Variants in SHC3 observed in about 807,000 individuals in gnomAD.
SHC3 encodes SHC-transforming protein 3.
SHC3 carries 15 observed loss-of-function variants against 60.4 expected under a neutral mutation model. The ratio of observed to expected loss-of-function variants is 0.25; its 90% CI spans 0.17 to 0.38. The LOEUF (loss-of-function observed/expected upper bound fraction) is 0.38. Among genes scored for constraint, SHC3 ranks in the 10% least tolerant of loss-of-function variants. The pLI is 1.00. For synonymous variants in SHC3, 294 were observed against 325.9 expected (o/e 0.90, Z 1.05); for missense variants, 677 against 786.1 (o/e 0.86, Z 1.66).
rs368825691 is a variant in SHC3 at position 89,132,204 on chromosome 9, T to G, written c.475-19578A>C. On this transcript the variant is annotated intron_variant, in intron 1 of 11. Transcript: ENST00000375835. ...ATACCTAGGAATCCAACTTACAAGGTATGTGAAGGACCTCTTCAAGGAGAA... is the reference window on the plus strand; with the variant it reads ...ATACCTAGGAATCCAACTTACAAGGGATGTGAAGGACCTCTTCAAGGAGAA... 7.4e-3 allele frequency among the ~76,000 whole-genome samples: 1,130 copies of G among 151,986 alleles called. 11 individuals carry two copies. Among genetic ancestry groups the G allele is most frequent in the African/African-American group, 0.025 (1,029 of 41,478 alleles).
chr9:89,140,756 T>G (rs1366519435), intron 1 of SHC3, among the ~76,000 whole-genome samples: 1 of 152,144 alleles, frequency 6.6e-6, no homozygotes, highest in Non-Finnish European at 1.5e-5. Context: ...CCGTGGCACT[T>G]CCTCTGTTTT....
At chr9:89,156,435 CAG>C (rs1826624216) in intron 1 of SHC3, among the ~76,000 whole-genome samples, 1 of 152,134 alleles carries the variant, frequency 6.6e-6, no homozygotes, top group South Asian at 2.1e-4. Context: ...ATCCTTAAAA[CAG>C]AGCAGGAACC....
rs1309535120 is a variant in SHC3 at position 89,013,503 on chromosome 9, T to A, written c.1729A>T (p.Ile577Phe). The A allele has an allele frequency of 1.9e-6, 3 of 1,613,820 alleles. No individual in the cohort carries two copies. The highest frequency in any genetic ancestry group is 2.5e-6 in the Non-Finnish European group (3 of 1,179,956). ...INHHLESSLP[I>F]VSAGSELCLQ... ...CACAGCTCACTCCCTGCAGAGACAA[T>A]GGGCAGGCTGCTTTCTAGGTGGTGG... The change falls in exon 12 of 12, where the codon ATT becomes TTT. Residue 577 changes from isoleucine to phenylalanine, a missense_variant. Coordinates refer to ENST00000375835, the MANE Select transcript of SHC3 (RefSeq NM_016848.6).
chr9:89,052,100 G>C lies in SHC3; in HGVS notation c.899C>G (p.Ala300Gly). ...AQDVIGSIGQAFELRFKQYLQ... is the reference protein window; with the variant it reads ...AQDVIGSIGQGFELRFKQYLQ... Reference sequence around the variant, plus strand: ...ATATTGCTTAAACCGGAGCTCAAAGGCTTGTCCGATGGAGCCGATGACATC... The same window carrying C: ...ATATTGCTTAAACCGGAGCTCAAAGCCTTGTCCGATGGAGCCGATGACATC... Residue 300 changes from alanine to glycine, a missense_variant, in exon 7 of 12, where the codon GCC becomes GGC. Ala to Gly is a moderately conservative substitution (Grantham distance 60, BLOSUM62 0). Transcript: ENST00000375835. 1 of 1,614,096 alleles carries C rather than the reference G, an allele frequency of 6.2e-7. No homozygotes were observed. Among genetic ancestry groups the C allele is most frequent in the Non-Finnish European group, 8.5e-7 (1 of 1,180,004 alleles).
chr9:89,041,827 C>G (rs1824691477), intron 10 of SHC3, among the ~76,000 whole-genome samples, 199 bp downstream of exon 10: 1 of 152,236 alleles, frequency 6.6e-6, no homozygotes, highest in African/African-American at 2.4e-5. Context: ...GGAAATTGCT[C>G]TGTCTCTTGA....
intron 1 of SHC3, among the ~76,000 whole-genome samples, chr9:89,136,202 G>T (rs147595923): frequency 1.4e-3 from 207 of 152,252 alleles, no homozygotes; most frequent in African/African-American, 4.8e-3. Context: ...AGGATTAAGG[G>T]TTCTCTTAGA....
chr9:89,134,377 G>A (rs528617069), intron 1 of SHC3, among the ~76,000 whole-genome samples: 186 of 152,066 alleles, frequency 1.2e-3, no homozygotes, highest in Non-Finnish European at 2.0e-3. Flanking sequence ...GAGTTAAAGG[G>A]GGTATTATTC....
At chr9:89,037,020 T>A (rs1183303798) in intron 11 of SHC3, among the ~76,000 whole-genome samples, 1 of 148,210 alleles carries the variant, frequency 6.7e-6, no homozygotes, top group Non-Finnish European at 1.5e-5. Flanking sequence ...CATGAGGAAG[T>A]GGCTGTCTCC....
intron 11 of SHC3, among the ~76,000 whole-genome samples, chr9:89,023,014 G>A (rs997025629): frequency 6.6e-6 from 1 of 152,202 alleles, no homozygotes; most frequent in Non-Finnish European, 1.5e-5. Context: ...ACCATAAACA[G>A]CTTGGAAGGT....
intron 1 of SHC3, among the ~76,000 whole-genome samples, chr9:89,120,387 A>G (rs1361664630): frequency 6.6e-6 from 1 of 152,194 alleles, no homozygotes. Context: ...CATCAACTCC[A>G]TAGAAAAAAA....
intron 1 of SHC3, among the ~76,000 whole-genome samples, chr9:89,175,986 G>A (rs745776163): frequency 6.6e-6 from 1 of 152,160 alleles, no homozygotes; most frequent in African/African-American, 2.4e-5. Flanking sequence ...TTCTTTCTGC[G>A]TGATTTCAAA....
intron 2 of SHC3, among the ~76,000 whole-genome samples, chr9:89,111,155 T>A (rs1008326650): frequency 6.6e-6 from 1 of 152,104 alleles, no homozygotes; most frequent in African/African-American, 2.4e-5. Flanking sequence ...TGCTTAATAA[T>A]TACATCAGGA....
chr9:89,167,482 G>C (rs1826806803), intron 1 of SHC3, among the ~76,000 whole-genome samples: 1 of 152,214 alleles, frequency 6.6e-6, no homozygotes, highest in African/African-American at 2.4e-5. Flanking sequence ...TGGAAAGTCA[G>C]AGGATGAAAG....
At chr9:89,024,305 T>C (rs1162958778) in intron 11 of SHC3, among the ~76,000 whole-genome samples, 1 of 152,070 alleles carries the variant, frequency 6.6e-6, no homozygotes, top group African/African-American at 2.4e-5. Flanking sequence ...AGAAACAGGG[T>C]TTCATTCTGT....
In SHC3 at chr9:89,046,876, T is replaced by G; in HGVS notation, c.1081A>C (p.Lys361Gln). The change falls in exon 8 of 12, where the codon AAA becomes CAA. Residue 361 changes from lysine to glutamine, a missense_variant. Lys to Gln is a moderately conservative substitution (Grantham distance 53, BLOSUM62 1). Coordinates refer to ENST00000375835, the MANE Select transcript of SHC3 (RefSeq NM_016848.6). ...GTGTCAGGAGCATGGGGTCTGGGTT[T>G]CAGTCTAGTATCAAGAAAGCCCCCT... is the stretch of plus-strand genomic sequence containing the variant. ...PPGGFLDTRL[K>Q]PRPHAPDTAQ... 6.2e-7 allele frequency: 1 copy of G among 1,607,950 alleles called. No homozygotes were observed. The highest frequency in any genetic ancestry group is 1.1e-5 in the South Asian group (1 of 89,182).
chr9:89,040,195 GCAGCATCAT>G (rs1824658743), intron 10 of SHC3, among the ~76,000 whole-genome samples: 2 of 136,144 alleles, frequency 1.5e-5, no homozygotes, highest in Non-Finnish European at 1.6e-5. Context: ...ACCACCATCA[GCAGCATCAT>G]CACCATCATC....
chr9:89,162,452 A>C (rs1826722654), intron 1 of SHC3, among the ~76,000 whole-genome samples: 1 of 152,188 alleles, frequency 6.6e-6, no homozygotes, highest in Non-Finnish European at 1.5e-5. Flanking sequence ...ATCTACAACT[A>C]TCTGATCTTT....
intron 10 of SHC3, 97 bp downstream of exon 10, chr9:89,041,929 C>T (rs1350673647): frequency 1.4e-5 from 20 of 1,478,016 alleles, no homozygotes; most frequent in Non-Finnish European, 1.7e-5. Context: ...CAAAACCCTA[C>T]TATCAGAAAA....
chr9:89,140,433 G>T (rs778803292), intron 1 of SHC3, among the ~76,000 whole-genome samples: 8 of 152,052 alleles, frequency 5.3e-5, no homozygotes, highest in Non-Finnish European at 1.2e-4. Flanking sequence ...TCTCAGTGGC[G>T]GTGGTGGTGG....
Sources: allele counts gnomAD v4.1 joint callset (sites outside exome capture counted in the v4.1 genomes callset), GRCh38; gene constraint gnomAD v4.1.1; transcripts MANE v1.5; gene names NCBI Gene and HGNC (gene_info 2026-07-23, HGNC 2026-07-21).